WASF1: variants seen among roughly 807,000 people sequenced by gnomAD.
WASF1 encodes the protein actin-binding protein WASF1.
WASF1 carries 7 observed loss-of-function variants against 50.5 expected under a neutral mutation model. The ratio of observed to expected loss-of-function variants is 0.14; its 90% CI spans 0.08 to 0.26. The LOEUF is 0.26. WASF1 is among the 10% of genes least tolerant of loss of function. The pLI is 1.00. For synonymous variants in WASF1, 205 were observed against 244.0 expected, an observed-to-expected ratio of 0.84 and a Z score of 1.49; for missense variants, 470 against 694.7, an observed-to-expected ratio of 0.68 and a Z score of 3.64.
rs183979992 is a variant in WASF1, at chr6:110,134,909, T to C, written c.-28-7280A>G. ...GTTTTTTTTCTAGTTCTGTGAAGAA[T>C]GACAGTGGTATTTTGATGGAAATTG... On this transcript the variant is annotated intron_variant, in intron 3 of 10. Coordinates refer to ENST00000392589, the MANE Select transcript of WASF1 (RefSeq NM_003931.3). 1.6e-3 allele frequency among the ~76,000 whole-genome samples: 243 copies of C among 152,284 alleles called. 2 individuals carry two copies. The highest frequency in any genetic ancestry group is 5.7e-3 in the African/African-American group (236 of 41,570).
rs534357383 is a variant in WASF1, at chr6:110,127,715, T to A, written c.-28-86A>T. On this transcript the variant is annotated intron_variant, in intron 3 of 10. Coordinates refer to ENST00000392589, the MANE Select transcript of WASF1 (RefSeq NM_003931.3). ...TATTTTTCATTGAAGAATAAAGCAC[T>A]GTTGACCCTTGAACAACATGGATTT... The A allele has an allele frequency of 1.4e-5, 17 of 1,234,918 alleles. No homozygotes were observed. The South Asian group carries it at 3.4e-4, about 24-fold the overall frequency. The allele number at this position is 1,234,918 out of a possible 1,614,324, so 76.5% of individuals were successfully genotyped here.
At chr6:110,129,027 G>A (rs943199397) in intron 3 of WASF1, among the ~76,000 whole-genome samples, 13 of 149,850 alleles carry the variant, frequency 8.7e-5, no homozygotes, top group Non-Finnish European at 1.8e-4. Context: ...TGTCTTCCAC[G>A]AAACTAGTCC....
At chr6:110,126,136 C>T (rs1255732597) in intron 4 of WASF1, among the ~76,000 whole-genome samples, 7 of 152,068 alleles carry the variant, frequency 4.6e-5, no homozygotes, top group Non-Finnish European at 8.8e-5. Context: ...ATGTACATAA[C>T]ATATATAAAA....
chr6:110,171,740 C>A (rs548770467), intron 2 of WASF1, among the ~76,000 whole-genome samples: 1 of 152,222 alleles, frequency 6.6e-6, no homozygotes, highest in Admixed American at 6.5e-5. Context: ...TCAGAGCGAA[C>A]AGGCAACCTA....
At chr6:110,103,859 C>T (rs1031899978) in intron 8 of WASF1, among the ~76,000 whole-genome samples, 5 of 152,114 alleles carry the variant, frequency 3.3e-5, no homozygotes, top group African/African-American at 9.7e-5. Flanking sequence ...ATTTAATAAA[C>T]AAGAAAATAA....
rs777558489 is a variant in WASF1, at chr6:110,101,641, G to T, written c.1469C>A (p.Thr490Asn). The change falls in exon 10 of 11, where the codon ACC becomes AAC. Residue 490 changes from threonine to asparagine, a missense_variant. By Grantham distance (65) the Thr-to-Asn change is moderately conservative. Coordinates refer to ENST00000392589, the MANE Select transcript of WASF1 (RefSeq NM_003931.3). ...CCTGGCATCACTGATTACAGGTAGGGTTGATGGATGGCGCTTTGGCTCAGA... is the reference window on the plus strand; with the variant it reads ...CCTGGCATCACTGATTACAGGTAGGTTTGATGGATGGCGCTTTGGCTCAGA... ...PASEPKRHPS[T>N]LPVISDARSV... The T allele has an allele frequency of 6.2e-7, 1 of 1,614,022 alleles. No homozygotes were observed. The highest frequency in any genetic ancestry group is 1.1e-5 in the South Asian group (1 of 91,072).
At position 110,102,069 on chromosome 6, in the gene WASF1, A is replaced by G. The variant is rs781158663; in HGVS notation, c.1041T>C (p.Thr347=). Reference sequence around the variant, plus strand: ...GTGGGGGAGGTACTGGAGGGGGAGGAGTTGAAGTCATTGAAGCTCTTAATG... The same window carrying G: ...GTGGGGGAGGTACTGGAGGGGGAGGGGTTGAAGTCATTGAAGCTCTTAATG... ...TSSLRASMTS[T]PPPPVPPPPP... is the part of the protein sequence containing the mutation. The change falls in exon 10 of 11, where the codon ACT becomes ACC. Residue 347 remains threonine (T), a synonymous_variant. Transcript: ENST00000392589. 4 of 1,512,718 alleles carry G rather than the reference A, an allele frequency of 2.6e-6. No individual in the cohort carries two copies. The highest frequency in any genetic ancestry group is 2.6e-6 in the Non-Finnish European group (3 of 1,132,120). The allele number at this position is 1,512,718 out of a possible 1,614,324, so 93.7% of individuals were successfully genotyped here.
intron 3 of WASF1, among the ~76,000 whole-genome samples, chr6:110,137,478 T>C (rs1775021298): frequency 6.6e-6 from 1 of 152,200 alleles, no homozygotes; most frequent in South Asian, 2.1e-4. Context: ...GGACTCTATT[T>C]TGCGCCTTAA....
At chr6:110,108,020 G>A (rs868768377) in intron 6 of WASF1, among the ~76,000 whole-genome samples, 6 of 151,306 alleles carry the variant, frequency 4.0e-5, no homozygotes, top group Non-Finnish European at 7.4e-5. Context: ...AAATTTAGCC[G>A]GGCTTGGTGG....
At chr6:110,114,178 G>A (rs761836608) in intron 4 of WASF1, among the ~76,000 whole-genome samples, 1 of 152,176 alleles carries the variant, frequency 6.6e-6, no homozygotes, top group South Asian at 2.1e-4. Flanking sequence ...AGAGTAGGAA[G>A]TAATCTCTCA....
intron 4 of WASF1, among the ~76,000 whole-genome samples, chr6:110,120,988 A>C (rs1011572105): frequency 1.3e-5 from 2 of 152,236 alleles, no homozygotes; most frequent in African/African-American, 2.4e-5. Flanking sequence ...AGCCATATGA[A>C]GAAAGCTGAA....
Position 110,100,612 on chromosome 6 carries a change from A to G in WASF1, c.1590T>C (p.Asp530=). 1.2e-6 allele frequency: 2 copies of G among 1,613,764 alleles called. No homozygotes were observed. Among genetic ancestry groups the G allele is most frequent in the Non-Finnish European group, 1.7e-6 (2 of 1,179,860 alleles). ...QEAKHERIEN[D]VATILSRRIA... ...TACGGCGAGACAGGATGGTGGCAAC[A>G]TCGTTTTCAATGCGTTCATGCTTAG... is the stretch of plus-strand genomic sequence containing the variant. Residue 530 remains aspartate, a synonymous_variant, in exon 11 of 11, where the codon GAT becomes GAC. Transcript: ENST00000392589.
intron 3 of WASF1, among the ~76,000 whole-genome samples, chr6:110,153,772 C>A (rs1237171670): frequency 6.7e-6 from 1 of 148,640 alleles, no homozygotes; most frequent in African/African-American, 2.5e-5. Context: ...CTGGGTGACA[C>A]AAGATCCTGC....
chr6:110,100,446 A>T lies in WASF1; in HGVS notation c.*76T>A, dbSNP rs919500960. 2.9e-5 allele frequency: 40 copies of T among 1,389,614 alleles called. No individual in the cohort carries two copies. Among genetic ancestry groups the T allele is most frequent in the Non-Finnish European group, 3.6e-5 (38 of 1,042,078 alleles). The allele number at this position is 1,389,614 out of a possible 1,614,324, so 86.1% of individuals were successfully genotyped here. ...GAAAAGAAAGCAAAACACTAGAATG[A>T]CCAAACATTTTCAAGGAACAAGCAC... On this transcript the variant is annotated 3_prime_UTR_variant, in exon 11 of 11. Transcript: ENST00000392589.
In WASF1 at chr6:110,104,260, T is replaced by C. The variant is rs773353009; in HGVS notation, c.714-703A>G. Among the ~76,000 whole-genome samples, 133 of 152,334 alleles carry C rather than the reference T, an allele frequency of 8.7e-4. 2 individuals are homozygous for C. The highest frequency in any genetic ancestry group is 9.0e-4 in the Non-Finnish European group (61 of 68,034). ...ATTTAACAGATGTGCACACAGCAAG[T>C]CAGAAATTATTGTATTTAGTGAGTC... On this transcript the variant is annotated intron_variant, in intron 8 of 10. Transcript: ENST00000392589.
intron 5 of WASF1, among the ~76,000 whole-genome samples, chr6:110,109,106 C>T (rs2114466202): frequency 6.6e-6 from 1 of 152,242 alleles, no homozygotes; most frequent in East Asian, 1.9e-4. Context: ...ATTAGTGGCA[C>T]TGTGGGCTAA....
intron 3 of WASF1, among the ~76,000 whole-genome samples, chr6:110,150,639 C>A (rs1653575408): frequency 6.6e-6 from 1 of 151,986 alleles, no homozygotes; most frequent in African/African-American, 2.4e-5. Context: ...AGGACACTTG[C>A]TTGAAAGGAA....
chr6:110,113,316 A>C lies in WASF1; in HGVS notation c.268+10T>G, dbSNP rs541237945. On this transcript the variant is annotated intron_variant, in intron 5 of 10. Transcript: ENST00000392589. ...ATACGTAGAAGAAAATACAATATTA[A>C]TAAGCTTACATTCTTCTTCCTTTGG... is the stretch of plus-strand genomic sequence containing the variant. The C allele has an allele frequency of 9.8e-6, 15 of 1,536,282 alleles. No individual in the cohort carries two copies. In the South Asian group the frequency reaches 1.7e-4, roughly 17 times the overall value.
intron 3 of WASF1, among the ~76,000 whole-genome samples, chr6:110,134,714 C>A (rs572447116): frequency 6.6e-6 from 1 of 152,270 alleles, no homozygotes; most frequent in South Asian, 2.1e-4. Flanking sequence ...GTGTGAGCCA[C>A]CGCACCCGGC....
Sources: allele counts gnomAD v4.1 joint callset (sites outside exome capture counted in the v4.1 genomes callset), GRCh38; gene constraint gnomAD v4.1.1; transcripts MANE v1.5; gene names NCBI Gene and HGNC (gene_info 2026-07-23, HGNC 2026-07-21).